Variants in CCDC60 observed in about 807,000 individuals in gnomAD.
CCDC60 encodes coiled-coil domain containing 60, also known as coiled-coil domain-containing protein 60.
In CCDC60, 54 loss-of-function variants were observed where a neutral mutation model predicts 63.5. That is an observed-to-expected ratio of 0.85 (90% CI 0.68 to 1.07). CCDC60 has a LOEUF of 1.07. Ranked by LOEUF, CCDC60 falls within the 50% of genes least tolerant of loss-of-function variation. CCDC60 has a pLI of 0.00. For missense variants in CCDC60, 651 were observed against 684.3 expected (o/e 0.95, Z 0.54); for synonymous variants, 206 against 238.8 (o/e 0.86, Z 1.27).
chr12:119,343,002 G>A (rs1052582196), intron 1 of CCDC60, among the ~76,000 whole-genome samples: 1 of 152,162 alleles, frequency 6.6e-6, no homozygotes, highest in African/African-American at 2.4e-5. Context: ...AAATTCATAT[G>A]GGGTTCAGTG....
Position 119,504,916 on chromosome 12 carries a change from G to C in CCDC60, c.649-153G>C, listed in dbSNP as rs576699319. On this transcript the variant is annotated intron_variant, in intron 6 of 13. Transcript: ENST00000327554. The stretch of plus-strand genomic sequence containing the variant: ...CTCCAGATCCAGAATATATCTCATG[G>C]TGTTTGGAAAGAGCCAGAAGGAATT... Among the ~76,000 whole-genome samples the C allele has an allele frequency of 9.2e-5, 14 of 152,234 alleles. No homozygotes were observed. The East Asian group carries it at 2.7e-3, about 29-fold the overall frequency.
At chr12:119,380,709 G>A (rs990946280) in intron 1 of CCDC60, among the ~76,000 whole-genome samples, 3 of 152,142 alleles carry the variant, frequency 2.0e-5, no homozygotes, top group Admixed American at 6.5e-5. Context: ...TCTCAATTTA[G>A]TGCTATTCAA....
intron 1 of CCDC60, among the ~76,000 whole-genome samples, chr12:119,369,884 G>T (rs1018580151): frequency 6.6e-6 from 1 of 152,286 alleles, no homozygotes. Context: ...CTTGCCAAGG[G>T]CATCAGTAAG....
intron 1 of CCDC60, among the ~76,000 whole-genome samples, chr12:119,338,369 G>T (rs1167499974): frequency 1.3e-5 from 2 of 152,092 alleles, no homozygotes; most frequent in African/African-American, 4.8e-5. Context: ...TGCATCATGT[G>T]CCACGTATTG....
intron 1 of CCDC60, among the ~76,000 whole-genome samples, chr12:119,413,246 G>C (rs1002597171): frequency 2.6e-5 from 4 of 152,192 alleles, no homozygotes; most frequent in African/African-American, 9.7e-5. Flanking sequence ...TCTCAGGGCT[G>C]CTGGGGGCTC....
At chr12:119,344,865 A>T (rs879540277) in intron 1 of CCDC60, among the ~76,000 whole-genome samples, 13,129 of 140,308 alleles carry the variant, frequency 0.094, 586 homozygotes, top group South Asian at 0.27. Context: ...TCACACACAC[A>T]CACACACACA....
At chr12:119,403,609 CCT>C (rs1956433698) in intron 1 of CCDC60, among the ~76,000 whole-genome samples, 1 of 152,228 alleles carries the variant, frequency 6.6e-6, no homozygotes, top group East Asian at 1.9e-4. Flanking sequence ...CCATCTTCCC[CCT>C]GTGCCCTCTG....
intron 6 of CCDC60, among the ~76,000 whole-genome samples, chr12:119,504,658 G>A (rs899884179): frequency 3.9e-5 from 6 of 152,182 alleles, no homozygotes; most frequent in African/African-American, 1.2e-4. Flanking sequence ...AAACCAAGAT[G>A]TGGTTAAAAA....
At chr12:119,431,094 T>C (rs1282737970) in intron 2 of CCDC60, among the ~76,000 whole-genome samples, 1 of 152,182 alleles carries the variant, frequency 6.6e-6, no homozygotes, top group Non-Finnish European at 1.5e-5. Flanking sequence ...GGATTCACCT[T>C]ACCCGAATTT....
rs773157440 is a variant in CCDC60, at chr12:119,530,983, C to T, written c.1471C>T (p.Arg491Ter). The T allele has an allele frequency of 1.8e-5, 29 of 1,614,030 alleles. No individual in the cohort carries two copies. In the South Asian group the frequency reaches 2.5e-4, roughly 14 times the overall value. ...KFGENLDLRI[R>*]PHVLLKVLQD... ...TGGAGAAAACCTGGACTTGCGGATTCGACCCCATGTCCTCCTGAAGGTGCT... is the reference window on the plus strand; with the variant it reads ...TGGAGAAAACCTGGACTTGCGGATTTGACCCCATGTCCTCCTGAAGGTGCT... Residue 491 changes from arginine (R) to a stop codon, truncating the protein, a stop_gained, in exon 13 of 14, where the codon CGA (arginine) becomes TGA (stop). Transcript: ENST00000327554. LOFTEE classifies it high-confidence loss of function.
rs369423144 is a variant in CCDC60 at position 119,472,179 on chromosome 12, T to C, written c.341+15T>C. On this transcript the variant is annotated intron_variant, in intron 3 of 13. Coordinates refer to ENST00000327554, the MANE Select transcript of CCDC60 (RefSeq NM_178499.5). ...ACCTTATTGAGGTAAGTGGATGCAG[T>C]AGCTGTGGCACTGAAGGTTTTGGGA... 1 of 1,611,964 alleles carries C rather than the reference T, an allele frequency of 6.2e-7. No homozygotes were observed. Among genetic ancestry groups the C allele is most frequent in the Non-Finnish European group, 8.5e-7 (1 of 1,178,764 alleles).
chr12:119,341,246 A>T (rs1276338495), intron 1 of CCDC60, among the ~76,000 whole-genome samples: 1 of 150,096 alleles, frequency 6.7e-6, no homozygotes, highest in South Asian at 2.1e-4. Flanking sequence ...GAGTGTGTTC[A>T]TTACCTCCTG....
chr12:119,472,147 T>C lies in CCDC60; in HGVS notation c.324T>C (p.Tyr108=). Residue 108 remains tyrosine, a synonymous_variant, in exon 3 of 14, where the codon TAT becomes TAC. Transcript: ENST00000327554. ...QPAEKISEIH[Y]GDTLLSTYDD... ...CCGAAAAGATCTCAGAAATCCACTATGGGGACACCTTATTGAGGTAAGTGG... is the reference window on the plus strand; with the variant it reads ...CCGAAAAGATCTCAGAAATCCACTACGGGGACACCTTATTGAGGTAAGTGG... 6.2e-7 allele frequency: 1 copy of C among 1,614,064 alleles called. No homozygotes were observed. The highest frequency in any genetic ancestry group is 8.5e-7 in the Non-Finnish European group (1 of 1,180,000).
At chr12:119,447,371 T>C (rs577471982) in intron 2 of CCDC60, among the ~76,000 whole-genome samples, 3 of 152,282 alleles carry the variant, frequency 2.0e-5, no homozygotes, top group African/African-American at 4.8e-5. Context: ...TAAGGAGTTG[T>C]GGGTCTCCAG....
chr12:119,436,585 C>G (rs2035711749), intron 2 of CCDC60, among the ~76,000 whole-genome samples: 1 of 150,452 alleles, frequency 6.6e-6, no homozygotes, highest in South Asian at 2.1e-4. Flanking sequence ...GTTGCCCAGG[C>G]TGGAGTGCAA....
At chr12:119,496,208 T>A (rs555930998) in intron 5 of CCDC60, among the ~76,000 whole-genome samples, 1 of 152,252 alleles carries the variant, frequency 6.6e-6, no homozygotes, top group East Asian at 1.9e-4. Flanking sequence ...TATGAGCACG[T>A]CCTAACCTAG....
At chr12:119,337,271 T>G (rs114452630) in intron 1 of CCDC60, among the ~76,000 whole-genome samples, 2 of 152,084 alleles carry the variant, frequency 1.3e-5, no homozygotes, top group African/African-American at 4.8e-5. Flanking sequence ...CTTCCCAGCA[T>G]AGCGGTGGGA....
chr12:119,402,594 T>C (rs546399688), intron 1 of CCDC60, among the ~76,000 whole-genome samples: 118 of 152,288 alleles, frequency 7.7e-4, no homozygotes, highest in African/African-American at 2.8e-3. Flanking sequence ...CCACAAAATA[T>C]ATTGCAAGGG....
At chr12:119,501,113 T>A (rs1488134759) in intron 6 of CCDC60, among the ~76,000 whole-genome samples, 1 of 152,232 alleles carries the variant, frequency 6.6e-6, no homozygotes, top group African/African-American at 2.4e-5. Context: ...TCCCCTAACC[T>A]ATGAAATGGA....
Sources: allele counts gnomAD v4.1 joint callset (sites outside exome capture counted in the v4.1 genomes callset), GRCh38; gene constraint gnomAD v4.1.1; transcripts MANE v1.5; gene names NCBI Gene and HGNC (gene_info 2026-07-23, HGNC 2026-07-21).